Variants in PBX3 observed in about 807,000 individuals in gnomAD.
The protein encoded by PBX3 is PBX homeobox 3, also known as pre-B-cell leukemia transcription factor 3.
In PBX3, 14 loss-of-function variants were observed where a neutral mutation model predicts 48.5. The ratio of observed to expected loss-of-function variants is 0.29; its 90% CI spans 0.19 to 0.45. The LOEUF is 0.45. Among genes scored for constraint, PBX3 ranks in the 20% least tolerant of loss-of-function variants. The pLI, the probability that PBX3 is intolerant of heterozygous loss-of-function variation, is 1.00. For synonymous variants in PBX3, 210 were observed against 200.3 expected, an observed-to-expected ratio of 1.05 and a Z score of -0.41; for missense variants, 386 against 546.7, an observed-to-expected ratio of 0.71 and a Z score of 2.93.
At chr9:125,868,731 T>C (rs1276371857) in intron 2 of PBX3, among the ~76,000 whole-genome samples, 1 of 152,218 alleles carries the variant, frequency 6.6e-6, no homozygotes, top group Non-Finnish European at 1.5e-5. Flanking sequence ...ACCTTAGCGA[T>C]ACCCTACATT....
chr9:125,802,384 T>TTTA (rs71376113), intron 2 of PBX3, among the ~76,000 whole-genome samples: 1 of 145,532 alleles, frequency 6.9e-6, no homozygotes, highest in Admixed American at 7.0e-5. Context: ...TTTTTTTTTT[T>TTTA]AAAGACAGGG....
chr9:125,770,176 A>G (rs1357128743), intron 2 of PBX3, among the ~76,000 whole-genome samples: 2 of 152,204 alleles, frequency 1.3e-5, no homozygotes, highest in Admixed American at 6.5e-5. Flanking sequence ...TTTATAGCCT[A>G]TGCTATAATA....
chr9:125,848,873 G>A (rs749338600), intron 2 of PBX3, among the ~76,000 whole-genome samples: 4 of 151,892 alleles, frequency 2.6e-5, no homozygotes, highest in African/African-American at 9.7e-5. Flanking sequence ...TCAGCAACAG[G>A]CTAGATAAGC....
At chr9:125,932,599 A>G (rs1283984116) in intron 4 of PBX3, among the ~76,000 whole-genome samples, 2 of 152,240 alleles carry the variant, frequency 1.3e-5, no homozygotes, top group Admixed American at 6.5e-5. Flanking sequence ...GCATCAGACG[A>G]CAAAAAACAT....
At chr9:125,822,675 C>CT (rs1359339849) in intron 2 of PBX3, among the ~76,000 whole-genome samples, 1 of 152,032 alleles carries the variant, frequency 6.6e-6, no homozygotes. Flanking sequence ...GGAAACTTGT[C>CT]TTTGAGTTCA....
chr9:125,881,814 G>A (rs1249714601), intron 2 of PBX3, among the ~76,000 whole-genome samples: 1 of 151,866 alleles, frequency 6.6e-6, no homozygotes, highest in Non-Finnish European at 1.5e-5. Flanking sequence ...AAATCCTTAA[G>A]AGCCTTAATA....
rs190089404 is a variant in PBX3 at position 125,924,520 on chromosome 9, C to T, written c.517-5135C>T. Among the ~76,000 whole-genome samples, 12 of 152,270 alleles carry T rather than the reference C, an allele frequency of 7.9e-5. No individual in the cohort carries two copies. The East Asian group carries it at 1.2e-3, about 15-fold the overall frequency. ...TATGTTGCAATGAGAAGCCTGAAAC[C>T]GTGTCAGTTAACTTTTTGTACTCTG... On this transcript the variant is annotated intron_variant, in intron 3 of 8. Coordinates refer to ENST00000373489, the MANE Select transcript of PBX3 (RefSeq NM_006195.6).
At chr9:125,928,393 TGTGTG>T (rs1841632567) in intron 3 of PBX3, among the ~76,000 whole-genome samples, 1 of 52,044 alleles carries the variant, frequency 1.9e-5, no homozygotes, top group East Asian at 1.3e-3. Flanking sequence ...GGGAAACAAA[TGTGTG>T]TGTGTGTGTG....
At chr9:125,852,736 T>G (rs761179087) in intron 2 of PBX3, among the ~76,000 whole-genome samples, 17 of 152,180 alleles carry the variant, frequency 1.1e-4, no homozygotes, top group Admixed American at 3.3e-4. Flanking sequence ...AATGTTAAAT[T>G]CATAGTTGTT....
At chr9:125,937,897 G>A (rs1841874219) in intron 5 of PBX3, among the ~76,000 whole-genome samples, 1 of 152,204 alleles carries the variant, frequency 6.6e-6, no homozygotes, top group Non-Finnish European at 1.5e-5. Context: ...CTGGCCTCAA[G>A]TGATCCTCCA....
chr9:125,911,679 A>C (rs537432740), intron 2 of PBX3, among the ~76,000 whole-genome samples: 64 of 152,232 alleles, frequency 4.2e-4, no homozygotes, highest in African/African-American at 1.5e-3. Flanking sequence ...AAACAAGTCC[A>C]TCAGAAAACA....
At chr9:125,805,990 A>G (rs1417126612) in intron 2 of PBX3, among the ~76,000 whole-genome samples, 1 of 152,198 alleles carries the variant, frequency 6.6e-6, no homozygotes, top group African/African-American at 2.4e-5. Flanking sequence ...ATTTCTATAT[A>G]TCTATGTATC....
intron 2 of PBX3, among the ~76,000 whole-genome samples, chr9:125,786,033 T>C (rs1049001804): frequency 6.6e-6 from 1 of 152,152 alleles, no homozygotes; most frequent in Non-Finnish European, 1.5e-5. Context: ...CTGATCGTTT[T>C]CTCTTGATTT....
At chr9:125,959,098 T>C (rs983691446) in intron 5 of PBX3, among the ~76,000 whole-genome samples, 1 of 152,252 alleles carries the variant, frequency 6.6e-6, no homozygotes, top group African/African-American at 2.4e-5. Flanking sequence ...CACTCCCATC[T>C]ACCACCTAGC....
At chr9:125,889,783 C>T (rs982631230) in intron 2 of PBX3, among the ~76,000 whole-genome samples, 40 of 149,662 alleles carry the variant, frequency 2.7e-4, no homozygotes, top group African/African-American at 9.4e-4. Flanking sequence ...GCCGCGGGGC[C>T]TCCCGGCGCG....
At chr9:125,853,967 C>T (rs777244402) in intron 2 of PBX3, among the ~76,000 whole-genome samples, 14 of 149,312 alleles carry the variant, frequency 9.4e-5, no homozygotes, top group Non-Finnish European at 1.9e-4. Context: ...AAACAAGAAA[C>T]ATTAATTGGC....
intron 2 of PBX3, among the ~76,000 whole-genome samples, chr9:125,780,560 A>C (rs1371560141): frequency 1.6e-5 from 2 of 126,556 alleles, no homozygotes; most frequent in Non-Finnish European, 3.3e-5. Flanking sequence ...GGCGAGGCAG[A>C]GGGGCTCCTC....
In PBX3 at chr9:125,840,241, G is replaced by A. The variant is rs184567955; in HGVS notation, c.275-75445G>A. Among the ~76,000 whole-genome samples, 23 of 152,094 alleles carry A rather than the reference G, an allele frequency of 1.5e-4. No individual in the cohort carries two copies. The East Asian group carries it at 4.4e-3, about 29-fold the overall frequency. On this transcript the variant is annotated intron_variant, in intron 2 of 8. Coordinates refer to ENST00000373489, the MANE Select transcript of PBX3 (RefSeq NM_006195.6). ...GGAATAAAGGAGGAATTTTTTTCAG[G>A]ATGGAGTTTTTTATTTTTCATTTTT... is the stretch of plus-strand genomic sequence containing the variant.
At chr9:125,826,900 A>G (rs1838823521) in intron 2 of PBX3, among the ~76,000 whole-genome samples, 1 of 152,136 alleles carries the variant, frequency 6.6e-6, no homozygotes, top group Non-Finnish European at 1.5e-5. Flanking sequence ...TCTTTCTTCT[A>G]GCTACTTTGA....
Sources: allele counts gnomAD v4.1 joint callset (sites outside exome capture counted in the v4.1 genomes callset), GRCh38; gene constraint gnomAD v4.1.1; transcripts MANE v1.5; gene names NCBI Gene and HGNC (gene_info 2026-07-23, HGNC 2026-07-21).